Variants in SAMD12 observed in about 807,000 individuals in gnomAD.
SAMD12 encodes the protein sterile alpha motif domain-containing protein 12.
A neutral mutation model predicts 15.0 loss-of-function variants in SAMD12; 9 were observed. The ratio of observed to expected loss-of-function variants is 0.60; its 90% CI spans 0.36 to 1.05. SAMD12 has a LOEUF of 1.05. SAMD12 is among the 50% of genes least tolerant of loss of function. SAMD12 has a pLI of 0.01. For synonymous variants in SAMD12, 86 were observed against 90.1 expected (o/e 0.96, Z 0.25); for missense variants, 230 against 234.2 (o/e 0.98, Z 0.12).
At chr8:118,136,979 G>C in the SAMD12 span, among the ~76,000 whole-genome samples, 5 of 152,162 alleles carry the variant, frequency 3.3e-5, no homozygotes. Flanking sequence ...CAGGTTCTCC[G>C]TGTTTTGAAC....
intron 4 of SAMD12, among the ~76,000 whole-genome samples, chr8:118,264,603 C>A (rs1478354255): frequency 6.6e-6 from 1 of 152,168 alleles, no homozygotes; most frequent in East Asian, 1.9e-4. Flanking sequence ...GAAAACAGAA[C>A]ATGAAGTAAA....
At chr8:118,424,430 A>G (rs1488957434) in intron 3 of SAMD12, among the ~76,000 whole-genome samples, 1 of 152,152 alleles carries the variant, frequency 6.6e-6, no homozygotes, top group Non-Finnish European at 1.5e-5. Context: ...GGTTAAACAT[A>G]CTTGGCGAAG....
At chr8:118,526,668 G>C (rs1335339720) in intron 2 of SAMD12, among the ~76,000 whole-genome samples, 1 of 152,144 alleles carries the variant, frequency 6.6e-6, no homozygotes, top group Admixed American at 6.5e-5. Context: ...AAAGGGACAA[G>C]GTGAGGGCAC....
In SAMD12 at chr8:118,328,322, C is replaced by A. The variant is rs143374781; in HGVS notation, c.433+51238G>T. Among the ~76,000 whole-genome samples, 201 of 152,268 alleles carry A rather than the reference C, an allele frequency of 1.3e-3. 1 individual carries two copies. Among genetic ancestry groups the A allele is most frequent in the African/African-American group, 3.8e-3 (157 of 41,556 alleles). On this transcript the variant is annotated intron_variant, in intron 4 of 4. Coordinates refer to the SAMD12 transcript ENST00000409003. ...TCTGGGCTCTTCCTACAGGCTGTGC[C>A]CTCTATTACACTGCTATTCTCCCTG...
At chr8:118,363,438 A>AG (rs1164937584) in intron 4 of SAMD12, among the ~76,000 whole-genome samples, 2 of 152,182 alleles carry the variant, frequency 1.3e-5, no homozygotes, top group African/African-American at 4.8e-5. Context: ...TAAGAGTAAG[A>AG]GGGAACTCCT....
intron 2 of SAMD12, among the ~76,000 whole-genome samples, chr8:118,510,207 C>T (rs1003800333): frequency 8.6e-5 from 13 of 151,576 alleles, no homozygotes; most frequent in African/African-American, 3.2e-4. Context: ...GGTGATCAAC[C>T]CCCCCACCAC....
chr8:118,249,934 C>G (rs28370858), intron 4 of SAMD12, among the ~76,000 whole-genome samples: 3,739 of 152,240 alleles, frequency 0.025, 157 homozygotes, highest in African/African-American at 0.086. Flanking sequence ...GGGTGACCAT[C>G]AGCAGGCAGA....
At chr8:118,142,165 G>C in the SAMD12 span, among the ~76,000 whole-genome samples, 1 of 152,102 alleles carries the variant, frequency 6.6e-6, no homozygotes, top group Non-Finnish European at 1.5e-5. Context: ...ATCTCTCCCA[G>C]GTCCTTGAAC....
intron 4 of SAMD12, among the ~76,000 whole-genome samples, chr8:118,262,447 T>G (rs184044312): frequency 5.9e-5 from 9 of 152,244 alleles, no homozygotes; most frequent in African/African-American, 1.7e-4. Context: ...CCATGCTAAC[T>G]TGACTGTCTC....
At chr8:118,454,350 A>G (rs981417789) in intron 2 of SAMD12, among the ~76,000 whole-genome samples, 2 of 152,086 alleles carry the variant, frequency 1.3e-5, no homozygotes, top group Non-Finnish European at 2.9e-5. Flanking sequence ...GATATCTTAC[A>G]TTTTTCCCCT....
intron 2 of SAMD12, among the ~76,000 whole-genome samples, chr8:118,469,981 T>C (rs1214808365): frequency 6.6e-6 from 1 of 152,160 alleles, no homozygotes; most frequent in Non-Finnish European, 1.5e-5. Context: ...GATACCATAA[T>C]TTTATATATA....
chr8:118,391,600 A>C (rs1462322840), intron 3 of SAMD12, among the ~76,000 whole-genome samples: 2 of 152,216 alleles, frequency 1.3e-5, no homozygotes, highest in Non-Finnish European at 2.9e-5. Flanking sequence ...CATGTGAATC[A>C]ATTTGAGCCA....
intron 4 of SAMD12, among the ~76,000 whole-genome samples, chr8:118,342,960 T>C (rs1017537406): frequency 2.0e-5 from 3 of 152,162 alleles, no homozygotes; most frequent in Admixed American, 6.5e-5. Flanking sequence ...GTGGACCCTA[T>C]TTCCCTGACC....
intron 2 of SAMD12, among the ~76,000 whole-genome samples, chr8:118,474,412 C>T (rs1823896324): frequency 6.6e-6 from 1 of 152,038 alleles, no homozygotes; most frequent in Non-Finnish European, 1.5e-5. Flanking sequence ...GACAGTTTTG[C>T]TCTTGTTGCC....
intron 2 of SAMD12, among the ~76,000 whole-genome samples, chr8:118,461,740 G>C (rs1198155332): frequency 6.6e-6 from 1 of 152,160 alleles, no homozygotes; most frequent in Non-Finnish European, 1.5e-5. Flanking sequence ...CTAGTAAACA[G>C]AAACGTGCAA....
chr8:118,437,911 C>T (rs896578726), intron 3 of SAMD12, among the ~76,000 whole-genome samples: 2 of 152,128 alleles, frequency 1.3e-5, no homozygotes, highest in Admixed American at 1.3e-4. Flanking sequence ...TCATAATTCT[C>T]ACCCCTAATA....
intron 2 of SAMD12, among the ~76,000 whole-genome samples, chr8:118,567,744 G>T (rs1365891560): frequency 6.6e-6 from 1 of 152,186 alleles, no homozygotes; most frequent in African/African-American, 2.4e-5. Context: ...CATATCTATT[G>T]TAACATTATC....
chr8:118,243,834 G>A (rs562557031), intron 4 of SAMD12, among the ~76,000 whole-genome samples: 1 of 152,242 alleles, frequency 6.6e-6, no homozygotes, highest in Non-Finnish European at 1.5e-5. Flanking sequence ...AAAGAGCTGA[G>A]CTTTTGGCAG....
intron 4 of SAMD12, among the ~76,000 whole-genome samples, chr8:118,269,224 G>C (rs200188077): frequency 0.083 from 4,880 of 58,512 alleles, 182 homozygotes; most frequent in African/African-American, 0.32. Flanking sequence ...CTCTCTCTGT[G>C]TGTGTGTGTG....
Sources: allele counts gnomAD v4.1 joint callset (sites outside exome capture counted in the v4.1 genomes callset), GRCh38; gene constraint gnomAD v4.1.1; transcripts MANE v1.5; gene names NCBI Gene and HGNC (gene_info 2026-07-23, HGNC 2026-07-21).